ZBTB8A: variants seen among roughly 807,000 people sequenced by gnomAD.
The protein encoded by ZBTB8A is zinc finger and BTB domain-containing protein 8A.
In ZBTB8A, 19 loss-of-function variants were observed where a neutral mutation model predicts 37.8. The observed-to-expected ratio is 0.50, with a 90% CI of 0.35 to 0.74. The LOEUF is 0.74. ZBTB8A is among the 30% of genes least tolerant of loss of function. The probability of loss-of-function intolerance (pLI) is 0.01; values close to 1 mark genes in which losing one functional copy is unlikely to be tolerated. For synonymous variants in ZBTB8A, 181 were observed against 185.2 expected, an observed-to-expected ratio of 0.98 and a Z score of 0.19; for missense variants, 394 against 537.8, an observed-to-expected ratio of 0.73 and a Z score of 2.65.
intron 2 of ZBTB8A, among the ~76,000 whole-genome samples, chr1:32,582,056 T>C (rs1171134552): frequency 6.6e-6 from 1 of 152,090 alleles, no homozygotes; most frequent in Non-Finnish European, 1.5e-5. Flanking sequence ...ATCAAAAAAA[T>C]GTAGTCATGA....
chr1:32,587,208 C>T (rs1644456752), intron 2 of ZBTB8A, among the ~76,000 whole-genome samples: 1 of 151,986 alleles, frequency 6.6e-6, no homozygotes, highest in African/African-American at 2.4e-5. Flanking sequence ...CACTGCACTC[C>T]AACCTGGGCA....
At chr1:32,596,636 C>T (rs1245896202) in intron 4 of ZBTB8A, among the ~76,000 whole-genome samples, 3 of 152,004 alleles carry the variant, frequency 2.0e-5, no homozygotes, top group Non-Finnish European at 2.9e-5. Flanking sequence ...ATCTCATTTG[C>T]TGAGGGAAAT....
intron 4 of ZBTB8A, among the ~76,000 whole-genome samples, chr1:32,596,652 C>T (rs1371093821): frequency 6.6e-6 from 1 of 152,076 alleles, no homozygotes; most frequent in East Asian, 1.9e-4. Flanking sequence ...GAAATGTTTT[C>T]ACACAACTCT....
intron 2 of ZBTB8A, among the ~76,000 whole-genome samples, chr1:32,559,394 C>A (rs1644226637): frequency 6.6e-6 from 1 of 151,898 alleles, no homozygotes; most frequent in South Asian, 2.1e-4. Context: ...ATCACCACTA[C>A]TGTGGTTTAA....
intron 1 of ZBTB8A, among the ~76,000 whole-genome samples, chr1:32,551,598 G>T (rs1404023838): frequency 2.0e-5 from 3 of 151,990 alleles, no homozygotes; most frequent in African/African-American, 7.3e-5. Context: ...CTGTAATCCC[G>T]CTACTCGGCA....
At chr1:32,541,328 A>C (rs1293494025) in intron 1 of ZBTB8A, among the ~76,000 whole-genome samples, 1 of 151,774 alleles carries the variant, frequency 6.6e-6, no homozygotes, top group Admixed American at 6.6e-5. Context: ...TCCATATCCC[A>C]TTGCTTCCCC....
At position 32,562,121 on chromosome 1, in the gene ZBTB8A, G is replaced by GTTT. The variant is rs770827959; in HGVS notation, c.-2+8594_-2+8596dup. Among the ~76,000 whole-genome samples the GTTT allele has an allele frequency of 3.3e-3, 427 of 129,894 alleles. 7 individuals carry two copies. In the East Asian group the frequency reaches 0.043, roughly 13 times the overall value. 85.2% of individuals were successfully genotyped at this position (129,894 alleles called of 152,430 possible). ...CCAGCCAATTTTTTAATTTTTGTTTGTTTTTTTTTTTTTTTGTAGAAACGG... is the reference window on the plus strand; with the variant it reads ...CCAGCCAATTTTTTAATTTTTGTTTGTTTTTTTTTTTTTTTTTTGTAGAAACGG... On this transcript the variant is annotated intron_variant, in intron 2 of 4. Transcript: ENST00000373510.
At chr1:32,562,563 G>A (rs1369848304) in intron 2 of ZBTB8A, among the ~76,000 whole-genome samples, 4 of 140,092 alleles carry the variant, frequency 2.9e-5, no homozygotes, top group Non-Finnish European at 6.1e-5. Flanking sequence ...GAGCCACCGC[G>A]TCCGGCTTTT....
chr1:32,598,577 C>G (rs1054859481), intron 4 of ZBTB8A, among the ~76,000 whole-genome samples: 3 of 152,052 alleles, frequency 2.0e-5, no homozygotes, highest in Admixed American at 6.6e-5. Context: ...TACTTCTGCA[C>G]TGTCCTGACT....
chr1:32,546,089 A>G (rs1279210466), intron 1 of ZBTB8A, among the ~76,000 whole-genome samples: 1 of 152,178 alleles, frequency 6.6e-6, no homozygotes, highest in African/African-American at 2.4e-5. Context: ...TTGCTCAATA[A>G]ATATGTCTTG....
At chr1:32,598,223 ATTTTTTTTTTT>A (rs762801492) in intron 4 of ZBTB8A, among the ~76,000 whole-genome samples, 5 of 86,020 alleles carry the variant, frequency 5.8e-5, no homozygotes, top group African/African-American at 2.0e-4. Context: ...GCTTTCTTGG[ATTTTTTTTTTT>A]TTTTTTTTTT....
intron 2 of ZBTB8A, among the ~76,000 whole-genome samples, chr1:32,563,608 G>T (rs543828633): frequency 6.6e-6 from 1 of 151,904 alleles, no homozygotes; most frequent in East Asian, 1.9e-4. Context: ...TATTACAGGC[G>T]CCCGCCACCA....
At chr1:32,569,019 C>T (rs1242210052) in intron 2 of ZBTB8A, among the ~76,000 whole-genome samples, 1 of 152,094 alleles carries the variant, frequency 6.6e-6, no homozygotes, top group Admixed American at 6.6e-5. Flanking sequence ...GTAGGTATAA[C>T]TTTATTAGAA....
chr1:32,585,540 GA>G (rs1292588467), intron 2 of ZBTB8A, among the ~76,000 whole-genome samples: 1 of 152,066 alleles, frequency 6.6e-6, no homozygotes, highest in Non-Finnish European at 1.5e-5. Context: ...TGAAGAGTAG[GA>G]AAGACCTGAA....
chr1:32,567,816 A>AC lies in ZBTB8A; in HGVS notation c.-2+14276_-2+14277insC, dbSNP rs1207469832. 7.5e-3 allele frequency among the ~76,000 whole-genome samples: 261 copies of AC among 34,910 alleles called. 32 individuals carry two copies. The highest frequency in any genetic ancestry group is 0.021 in the African/African-American group (138 of 6,688). The allele number at this position is 34,910 out of a possible 152,430, so 22.9% of individuals were successfully genotyped here. A position where few individuals can be genotyped will look rare whatever the true frequency, so the allele number is the denominator to read the frequency against. On this transcript the variant is annotated intron_variant, in intron 2 of 4. Transcript: ENST00000373510. ...CAAAAAAAAAAAAAAAAAAAAAAAA[A>AC]AAAAAAACAAAAACAAAACAAAACA...
intron 1 of ZBTB8A, among the ~76,000 whole-genome samples, chr1:32,545,455 T>C (rs531732402): frequency 1.8e-4 from 28 of 152,326 alleles, no homozygotes; most frequent in African/African-American, 6.7e-4. Context: ...AAACAGTCAA[T>C]AACCTCATTT....
chr1:32,561,181 A>G (rs578214253), intron 2 of ZBTB8A, among the ~76,000 whole-genome samples: 8 of 151,062 alleles, frequency 5.3e-5, no homozygotes, highest in Admixed American at 4.7e-4. Context: ...CTCCAGCCAT[A>G]TTGAACAACT....
At chr1:32,595,257 TC>T (rs1644521314) in intron 4 of ZBTB8A, 34 bp downstream of exon 4, 3 of 1,600,208 alleles carry the variant, frequency 1.9e-6, no homozygotes, top group Non-Finnish European at 2.6e-6. Context: ...TTTTACTAAT[TC>T]TTTTTTGGTT....
intron 2 of ZBTB8A, among the ~76,000 whole-genome samples, chr1:32,557,169 G>A (rs557206487): frequency 2.1e-4 from 32 of 151,884 alleles, no homozygotes; most frequent in Non-Finnish European, 4.1e-4. Flanking sequence ...GGGCGTGATG[G>A]TGTGCGCCTG....
Sources: allele counts gnomAD v4.1 joint callset (sites outside exome capture counted in the v4.1 genomes callset), GRCh38; gene constraint gnomAD v4.1.1; transcripts MANE v1.5; gene names NCBI Gene and HGNC (gene_info 2026-07-23, HGNC 2026-07-21).